The following MOB2 variants were observed in gnomAD, a reference collection of about 807,000 sequenced individuals.
MOB2 encodes the protein MOB kinase activator 2, also known as MOB2 Mps One Binder homolog.
Under a neutral mutation model 27.4 loss-of-function variants are expected in MOB2, and 14 were observed. The observed-to-expected ratio is 0.51, with a 90% CI of 0.34 to 0.80. MOB2 has a LOEUF of 0.80. Among genes scored for constraint, MOB2 ranks in the 30% least tolerant of loss-of-function variants. The pLI is 0.01. For synonymous variants in MOB2, 167 were observed against 151.8 expected (o/e 1.10, Z -0.74); for missense variants, 304 against 354.6 (o/e 0.86, Z 1.15).
rs375803697 is a variant in MOB2, at chr11:1,470,445, G to A, written c.534C>T (p.Ile178=). 5.0e-6 allele frequency: 8 copies of A among 1,613,456 alleles called. No homozygotes were observed. The highest frequency in any genetic ancestry group is 2.2e-5 in the East Asian group (1 of 44,894). ...PSSFESLVRK[I]CRHLFHVLAH... ...CCAGCACGTGGAACAGGTGTCTGCA[G>A]ATCTTCCTCACCAGGGACTCAAAGG... The change falls in exon 5 of 5, where the codon ATC becomes ATT. Residue 178 remains isoleucine (I), a synonymous_variant. Coordinates refer to ENST00000329957, the MANE Select transcript of MOB2 (RefSeq NM_001172223.3).
chr11:1,471,480 TC>T, intron 3 of MOB2, 61 bp from the exon 4 acceptor site: 1 of 1,556,660 alleles, frequency 6.4e-7, no homozygotes, highest in African/African-American at 1.4e-5. Flanking sequence ...AGCCACTGGG[TC>T]CCACCCGCTC....
At chr11:1,476,927 A>G (rs187289546) in intron 3 of MOB2, among the ~76,000 whole-genome samples, 9 of 152,072 alleles carry the variant, frequency 5.9e-5, no homozygotes, top group African/African-American at 1.9e-4. Context: ...TAACCCCACC[A>G]TGGTCAGAAA....
intron 1 of MOB2, among the ~76,000 whole-genome samples, chr11:1,485,833 C>T (rs566505916): frequency 6.6e-6 from 1 of 152,202 alleles, no homozygotes; most frequent in Non-Finnish European, 1.5e-5. Flanking sequence ...CAGGGAGGCA[C>T]CCCCGCAGCA....
rs756054742 is a variant in MOB2 at position 1,480,447 on chromosome 11, G to C, written c.311C>G (p.Thr104Ser). Residue 104 changes from threonine (T) to serine (S), a missense_variant, in exon 3 of 5, where the codon ACC becomes AGC. Thr to Ser is a moderately conservative substitution (Grantham distance 58). Coordinates refer to ENST00000329957, the MANE Select transcript of MOB2 (RefSeq NM_001172223.3). The stretch of plus-strand genomic sequence containing the variant: ...CTCTCCTGTGCAGAACTCGGAGATG[G>C]TGCTATACTGCAGGTTGATGTGGTG... ...FFHHINLQYSTISEFCTGETC... is the reference protein window; with the variant it reads ...FFHHINLQYSSISEFCTGETC... 5.0e-6 allele frequency: 8 copies of C among 1,613,902 alleles called. No individual in the cohort carries two copies. The highest frequency in any genetic ancestry group is 6.8e-6 in the Non-Finnish European group (8 of 1,179,886).
In MOB2 at chr11:1,470,029, T is replaced by TGTGCAGCCCACACCA; in HGVS notation, c.*128_*142dup. ...GGCCGGGGCCGTCTGCGTCTGTGCC[T>TGTGCAGCCCACACCA]GTGCAGCCCACACCAGTGCAGCCCG... On this transcript the variant is annotated 3_prime_UTR_variant, in exon 5 of 5. Transcript: ENST00000329957. 6.5e-7 allele frequency: 1 copy of TGTGCAGCCCACACCA among 1,533,932 alleles called. No individual in the cohort carries two copies. Among genetic ancestry groups the TGTGCAGCCCACACCA allele is most frequent in the Non-Finnish European group, 8.7e-7 (1 of 1,145,110 alleles).
chr11:1,481,062 C>A, intron 1 of MOB2, 177 bp from the exon 2 acceptor site: 1 of 763,582 alleles, frequency 1.3e-6, no homozygotes, highest in Non-Finnish European at 2.1e-6. Context: ...GAGGCTGCTC[C>A]GCAGAGGGGC....
intron 1 of MOB2, among the ~76,000 whole-genome samples, chr11:1,482,779 C>T (rs115722378): frequency 0.021 from 3,216 of 152,318 alleles, 110 homozygotes; most frequent in African/African-American, 0.072. Context: ...GTAGTAGGAC[C>T]AAGGGGACGC....
chr11:1,470,936 C>T (rs973189836), intron 4 of MOB2, among the ~76,000 whole-genome samples: 4 of 152,252 alleles, frequency 2.6e-5, no homozygotes, highest in Non-Finnish European at 4.4e-5. Flanking sequence ...CGTGGAGCCC[C>T]ACCACATCCC....
At chr11:1,472,061 G>T (rs926674773) in intron 3 of MOB2, 3 of 152,274 alleles carry the variant, frequency 2.0e-5, no homozygotes, top group Admixed American at 2.0e-4. Flanking sequence ...TAGGGACATG[G>T]ACACCCTGGG....
Position 1,486,500 on chromosome 11 carries a change from C to T in MOB2, c.57G>A (p.Leu19=), listed in dbSNP as rs887106576. 8 of 1,535,726 alleles carry T rather than the reference C, an allele frequency of 5.2e-6. No individual in the cohort carries two copies. The highest frequency in any genetic ancestry group is 2.0e-5 in the Admixed American group (1 of 50,986). ...PEDQARPGQS[L]QSGLCCKMVL... is the part of the protein sequence containing the mutation. ...CCATTTTGCAGCAGAGTCCACTTTG[C>T]AGGGACTGGCCGGGCCGGGCTTGGT... The change falls in exon 1 of 5, where the codon CTG becomes CTA. Residue 19 remains leucine, a synonymous_variant. Coordinates refer to ENST00000329957, the MANE Select transcript of MOB2 (RefSeq NM_001172223.3).
At position 1,480,845 on chromosome 11, in the gene MOB2, C is replaced by T; in HGVS notation, c.151G>A (p.Glu51Lys). 6.4e-7 allele frequency: 1 copy of T among 1,569,490 alleles called. No individual in the cohort carries two copies. Among genetic ancestry groups the T allele is most frequent in the Non-Finnish European group, 8.6e-7 (1 of 1,157,634 alleles). ...GGCTCCAGGTAGGCCTTCCTCTCCTCCGCAGCGGGCTTCTTGCCATTAGGC... is the reference window on the plus strand; with the variant it reads ...GGCTCCAGGTAGGCCTTCCTCTCCTTCGCAGCGGGCTTCTTGCCATTAGGC... Reference protein sequence around the residue: ...AKPNGKKPAAEERKAYLEPEH... With the variant: ...AKPNGKKPAAKERKAYLEPEH... Residue 51 changes from glutamate to lysine, a missense_variant, in exon 2 of 5, where the codon GAG becomes AAG. Glu to Lys is a moderately conservative substitution (Grantham distance 56). Transcript: ENST00000329957.
chr11:1,470,092 A>C lies in MOB2; in HGVS notation c.*80T>G. 1 of 1,545,292 alleles carries C rather than the reference A, an allele frequency of 6.5e-7. No homozygotes were observed. Among genetic ancestry groups the C allele is most frequent in the Non-Finnish European group, 8.7e-7 (1 of 1,146,616 alleles). ...ACCTCACCACACGCGTGCCCAGCACATGTGTGCACACGCAGATGCAGGAGA... is the reference window on the plus strand; with the variant it reads ...ACCTCACCACACGCGTGCCCAGCACCTGTGTGCACACGCAGATGCAGGAGA... On this transcript the variant is annotated 3_prime_UTR_variant, in exon 5 of 5. Transcript: ENST00000329957.
intron 3 of MOB2, among the ~76,000 whole-genome samples, chr11:1,478,685 C>A (rs1354347377): frequency 6.6e-6 from 1 of 152,174 alleles, no homozygotes; most frequent in African/African-American, 2.4e-5. Context: ...GTTTGCTTAG[C>A]TTCTTAAGTC....
intron 3 of MOB2, among the ~76,000 whole-genome samples, chr11:1,477,555 T>C (rs758906067): frequency 4.6e-5 from 7 of 152,156 alleles, no homozygotes; most frequent in Non-Finnish European, 8.8e-5. Flanking sequence ...TGAACAGAAC[T>C]GGTGGCTCCG....
At chr11:1,471,558 G>A (rs1847791527) in intron 3 of MOB2, 139 bp from the exon 4 acceptor site, 3 of 990,488 alleles carry the variant, frequency 3.0e-6, no homozygotes, top group Non-Finnish European at 4.5e-6. Context: ...CTCCCTCCCT[G>A]GACATGCACA....
Position 1,478,758 on chromosome 11 carries a change from G to A in MOB2, c.365+1635C>T, listed in dbSNP as rs56981846. 2.6e-5 allele frequency among the ~76,000 whole-genome samples: 4 copies of A among 152,196 alleles called. No homozygotes were observed. The East Asian group carries it at 5.8e-4, about 22-fold the overall frequency. ...ATTGCTGCAATGTGTTTCCGGCCCC[G>A]CCCCCTTTCTCGTCTCCCTAGGAGT... On this transcript the variant is annotated intron_variant, in intron 3 of 4. Transcript: ENST00000329957.
At chr11:1,476,478 C>G (rs1847853595) in intron 3 of MOB2, among the ~76,000 whole-genome samples, 1 of 152,216 alleles carries the variant, frequency 6.6e-6, no homozygotes, top group Non-Finnish European at 1.5e-5. Context: ...TAGTGACACT[C>G]ACTCCTTTTT....
At chr11:1,482,024 G>C (rs1328818579) in intron 1 of MOB2, among the ~76,000 whole-genome samples, 4 of 152,204 alleles carry the variant, frequency 2.6e-5, no homozygotes. Flanking sequence ...TCCACCACAG[G>C]GAAGGCTCTC....
chr11:1,471,520 G>T, intron 3 of MOB2, 101 bp from the exon 4 acceptor site: 1 of 1,478,952 alleles, frequency 6.8e-7, no homozygotes, highest in Non-Finnish European at 9.1e-7. Context: ...GGTGGCGCCA[G>T]CAGCGGAGGT....
Sources: gnomAD v4.1 joint callset for allele counts (sites outside exome capture counted in the v4.1 genomes callset) on GRCh38, gnomAD v4.1.1 for gene constraint, MANE v1.5 for transcripts, NCBI Gene and HGNC (gene_info 2026-07-23, HGNC 2026-07-21) for gene names.